The following TMTC2 variants were observed in gnomAD, a reference collection of about 807,000 sequenced individuals.
TMTC2 encodes the protein protein O-mannosyl-transferase TMTC2.
TMTC2 carries 43 observed loss-of-function variants against 82.4 expected under a neutral mutation model. That is an observed-to-expected ratio of 0.52 (90% confidence interval 0.41 to 0.67). TMTC2 has a LOEUF of 0.67. TMTC2 is among the 30% of genes least tolerant of loss of function. The pLI is 0.00. For synonymous variants in TMTC2, 408 were observed against 381.9 expected (o/e 1.07, Z -0.80); for missense variants, 919 against 1,012.4 (o/e 0.91, Z 1.25).
Position 82,986,045 on chromosome 12 carries a change from C to T in TMTC2, c.2069C>T (p.Thr690Ile). Residue 690 changes from threonine to isoleucine, a missense_variant and splice_region_variant, in exon 8 of 12, where the codon ACA becomes ATA. Physicochemically the swap from Thr to Ile is moderately conservative, Grantham distance 89 (BLOSUM62 -1). Transcript: ENST00000321196. ...ACCTATGGGAAGCTGCTAGCTCTAA[C>T]AGTGAGTAACCGCCTTCCTTGGTCT... ...HLTYGKLLALTGRKSEAEKLF... is the reference protein window; with the variant it reads ...HLTYGKLLALIGRKSEAEKLF... The T allele has an allele frequency of 6.2e-7, 1 of 1,613,968 alleles. No individual in the cohort carries two copies. Among genetic ancestry groups the T allele is most frequent in the Non-Finnish European group, 8.5e-7 (1 of 1,179,890 alleles).
intron 3 of TMTC2, among the ~76,000 whole-genome samples, chr12:82,922,116 G>T (rs1307802690): frequency 6.6e-6 from 1 of 151,966 alleles, no homozygotes; most frequent in Non-Finnish European, 1.5e-5. Flanking sequence ...GACTTTTAAA[G>T]CATTTGTAAC....
chr12:83,116,271 G>A (rs921044956), intron 11 of TMTC2, among the ~76,000 whole-genome samples: 4 of 151,926 alleles, frequency 2.6e-5, no homozygotes, highest in African/African-American at 9.7e-5. Flanking sequence ...TTTTATGGCT[G>A]AGTAGTATTC....
intron 8 of TMTC2, among the ~76,000 whole-genome samples, chr12:82,988,462 T>C (rs1482088088): frequency 6.6e-6 from 1 of 152,056 alleles, no homozygotes; most frequent in African/African-American, 2.4e-5. Flanking sequence ...TGCCCACAAA[T>C]GCCAGCAACT....
chr12:83,007,242 G>GT (rs1472543066), intron 8 of TMTC2, among the ~76,000 whole-genome samples: 1 of 151,704 alleles, frequency 6.6e-6, no homozygotes, highest in Non-Finnish European at 1.5e-5. Flanking sequence ...TTTGGACTTA[G>GT]TTTCTTCTTC....
intron 10 of TMTC2, among the ~76,000 whole-genome samples, chr12:83,059,247 A>G (rs565039658): frequency 1.3e-5 from 2 of 151,944 alleles, no homozygotes; most frequent in South Asian, 2.1e-4. Context: ...TAATGATTCA[A>G]TCATCCCTAC....
At chr12:83,005,351 A>G (rs1880150709) in intron 8 of TMTC2, among the ~76,000 whole-genome samples, 1 of 136,258 alleles carries the variant, frequency 7.3e-6, no homozygotes, top group African/African-American at 2.7e-5. Flanking sequence ...AAAAAAAAAG[A>G]GTAATGGCTG....
At chr12:83,118,453 G>A (rs1396626941) in intron 11 of TMTC2, among the ~76,000 whole-genome samples, 2 of 151,902 alleles carry the variant, frequency 1.3e-5, no homozygotes, top group Non-Finnish European at 2.9e-5. Flanking sequence ...TTTTAATTCT[G>A]TTTATGTGGT....
intron 11 of TMTC2, among the ~76,000 whole-genome samples, chr12:83,116,230 A>G (rs1884757282): frequency 1.3e-5 from 2 of 152,112 alleles, no homozygotes; most frequent in African/African-American, 4.8e-5. Flanking sequence ...AGTCTCATCT[A>G]GGTTGTGGCA....
Position 82,887,537 on chromosome 12 carries a change from T to A in TMTC2, c.655-8281T>A, listed in dbSNP as rs1444612500. On this transcript the variant is annotated intron_variant, in intron 2 of 11. Coordinates refer to ENST00000321196, the MANE Select transcript of TMTC2 (RefSeq NM_152588.3). Reference sequence around the variant, plus strand: ...TGTTTTCTGATAAATTTCACATTATTCATTCATTAAGCTATAGTTATATAC... The same window carrying A: ...TGTTTTCTGATAAATTTCACATTATACATTCATTAAGCTATAGTTATATAC... Among the ~76,000 whole-genome samples, 3 of 152,194 alleles carry A rather than the reference T, an allele frequency of 2.0e-5. No homozygotes were observed. In the East Asian group the frequency reaches 5.8e-4, roughly 29 times the overall value.
intron 4 of TMTC2, among the ~76,000 whole-genome samples, chr12:82,944,918 A>G (rs1419796951): frequency 6.6e-6 from 1 of 152,252 alleles, no homozygotes; most frequent in Non-Finnish European, 1.5e-5. Context: ...CACAAAGACC[A>G]AAGAACTGAG....
intron 3 of TMTC2, among the ~76,000 whole-genome samples, chr12:82,897,314 TTAGAAAA>T (rs1228211726): frequency 6.6e-6 from 1 of 152,188 alleles, no homozygotes; most frequent in East Asian, 1.9e-4. Flanking sequence ...TGCTTTAGAT[TTAGAAAA>T]TTACTTGAGC....
At chr12:82,920,073 T>G (rs1285464441) in intron 3 of TMTC2, among the ~76,000 whole-genome samples, 2 of 152,344 alleles carry the variant, frequency 1.3e-5, no homozygotes, top group African/African-American at 2.4e-5. Flanking sequence ...CAATTTTCTA[T>G]ATTAGTCTGT....
At chr12:83,125,840 A>G (rs536292515) in intron 11 of TMTC2, among the ~76,000 whole-genome samples, 1 of 152,344 alleles carries the variant, frequency 6.6e-6, no homozygotes, top group Non-Finnish European at 1.5e-5. Flanking sequence ...TTAAGGATAT[A>G]GAATAAAGGG....
chr12:83,019,869 T>C (rs562817154), intron 8 of TMTC2, among the ~76,000 whole-genome samples: 66 of 152,304 alleles, frequency 4.3e-4, no homozygotes, highest in Non-Finnish European at 6.9e-4. Flanking sequence ...AGCATCTTAG[T>C]ATGACTGATA....
chr12:82,997,362 A>G lies in TMTC2; in HGVS notation c.2070+11316A>G, dbSNP rs199975119. On this transcript the variant is annotated intron_variant, in intron 8 of 11. Coordinates refer to ENST00000321196, the MANE Select transcript of TMTC2 (RefSeq NM_152588.3). ...TGTGTGTGTGTGTATATATATATAT[A>G]TATGTGTATATATATATATGTGTAT... is the stretch of plus-strand genomic sequence containing the variant. Among the ~76,000 whole-genome samples the G allele has an allele frequency of 1.5e-3, 40 of 26,530 alleles. 1 individual carries two copies. Among genetic ancestry groups the G allele is most frequent in the South Asian group, 2.9e-3 (1 of 340 alleles). The allele number at this position is 26,530 out of a possible 152,430, so 17.4% of individuals were successfully genotyped here. A position where few individuals can be genotyped will look rare whatever the true frequency, so the allele number is the denominator to read the frequency against.
chr12:83,000,355 C>T (rs894242745), intron 8 of TMTC2, among the ~76,000 whole-genome samples: 8 of 152,080 alleles, frequency 5.3e-5, no homozygotes, highest in East Asian at 1.9e-4. Context: ...AGGATGGTCT[C>T]GATCTCCTGA....
chr12:83,068,606 C>A (rs147649541), intron 11 of TMTC2, among the ~76,000 whole-genome samples: 10 of 152,200 alleles, frequency 6.6e-5, no homozygotes, highest in African/African-American at 2.2e-4. Context: ...CCCACAATCA[C>A]CAGATTGACT....
intron 2 of TMTC2, among the ~76,000 whole-genome samples, chr12:82,894,120 G>C (rs61931366): frequency 6.6e-6 from 1 of 152,110 alleles, no homozygotes; most frequent in African/African-American, 2.4e-5. Flanking sequence ...TTTTATTTCC[G>C]TTGGGGAAGT....
intron 9 of TMTC2, among the ~76,000 whole-genome samples, chr12:83,046,548 T>C (rs1882137083): frequency 6.6e-6 from 1 of 152,160 alleles, no homozygotes; most frequent in Non-Finnish European, 1.5e-5. Flanking sequence ...CTCTCCAAAG[T>C]GCCTGCCGTA....
Sources: allele counts gnomAD v4.1 joint callset (sites outside exome capture counted in the v4.1 genomes callset), GRCh38; gene constraint gnomAD v4.1.1; transcripts MANE v1.5; gene names NCBI Gene and HGNC (gene_info 2026-07-23, HGNC 2026-07-21).